Variants in HTR7 observed in about 807,000 individuals in gnomAD.
HTR7 encodes the protein 5-HT-7.
Under a neutral mutation model 34.0 loss-of-function variants are expected in HTR7, and 16 were observed. The ratio of observed to expected loss-of-function variants is 0.47; its 90% CI spans 0.32 to 0.71. The LOEUF is 0.71. HTR7 is among the 30% of genes least tolerant of loss of function. HTR7 has a pLI of 0.04. For missense variants in HTR7, 504 were observed against 625.5 expected, an observed-to-expected ratio of 0.81 and a Z score of 2.07; for synonymous variants, 265 against 260.2, an observed-to-expected ratio of 1.02 and a Z score of -0.18.
intron 1 of HTR7, among the ~76,000 whole-genome samples, chr10:90,812,374 T>A (rs1483434042): frequency 6.6e-6 from 1 of 152,206 alleles, no homozygotes; most frequent in African/African-American, 2.4e-5. Context: ...CCTGGTGCTA[T>A]CCCCAAACTG....
chr10:90,816,427 AG>A (rs1845900315), intron 1 of HTR7, among the ~76,000 whole-genome samples: 1 of 152,248 alleles, frequency 6.6e-6, no homozygotes, highest in African/African-American at 2.4e-5. Context: ...TCTATTTCAA[AG>A]GAAAACTATA....
At position 90,742,440 on chromosome 10, in the gene HTR7, C is replaced by T; in HGVS notation, c.*42G>A. 1 of 1,506,968 alleles carries T rather than the reference C, an allele frequency of 6.6e-7. No individual in the cohort carries two copies. The highest frequency in any genetic ancestry group is 9.1e-7 in the Non-Finnish European group (1 of 1,096,270). The allele number at this position is 1,506,968 out of a possible 1,614,324, so 93.3% of individuals were successfully genotyped here. The stretch of plus-strand genomic sequence containing the variant: ...AGCAAATGACTTCCTTCTGTTTCCA[C>T]CTCTATTTTGCCTTGTTTATTTCAT... On this transcript the variant is annotated 3_prime_UTR_variant, in exon 4 of 4. Coordinates refer to ENST00000336152, the MANE Select transcript of HTR7 (RefSeq NM_019859.4).
chr10:90,794,075 GAA>G (rs1158467423), intron 1 of HTR7, among the ~76,000 whole-genome samples: 2 of 152,078 alleles, frequency 1.3e-5, no homozygotes, highest in Admixed American at 6.6e-5. Context: ...ATACACCCAG[GAA>G]AAAATACTTT....
At chr10:90,849,346 A>G (rs1177798356) in intron 1 of HTR7, among the ~76,000 whole-genome samples, 1 of 152,220 alleles carries the variant, frequency 6.6e-6, no homozygotes, top group Non-Finnish European at 1.5e-5. Flanking sequence ...TGACATTTTA[A>G]TTGTTGTCAA....
rs1343234963 is a variant in HTR7, at chr10:90,740,937, A to G, written c.*1545T>C. On this transcript the variant is annotated 3_prime_UTR_variant, in exon 4 of 4. Coordinates refer to ENST00000336152, the MANE Select transcript of HTR7 (RefSeq NM_019859.4). ...TGTATCTGACCATAAATAATCATTT[A>G]AATTATGAATATAATATATACGGTC... The G allele has an allele frequency of 6.6e-6, 1 of 152,570 alleles. No individual in the cohort carries two copies. The highest frequency in any genetic ancestry group is 6.6e-5 in the Admixed American group (1 of 15,242). The allele number at this position is 152,570 out of a possible 1,614,324, so 9.5% of individuals were successfully genotyped here. A position where few individuals can be genotyped will look rare whatever the true frequency, so the allele number is the denominator to read the frequency against.
chr10:90,798,470 G>T (rs1589454432), intron 1 of HTR7, among the ~76,000 whole-genome samples: 2 of 152,166 alleles, frequency 1.3e-5, no homozygotes, highest in African/African-American at 4.8e-5. Flanking sequence ...CATGCCTGGT[G>T]CTGGGAGGCC....
At position 90,835,142 on chromosome 10, in the gene HTR7, T is replaced by C. The variant is rs7084130; in HGVS notation, c.539+21991A>G. Among the ~76,000 whole-genome samples the C allele has an allele frequency of 2.6e-3, 400 of 152,294 alleles. 1 individual carries two copies. The highest frequency in any genetic ancestry group is 9.0e-3 in the African/African-American group (372 of 41,554). ...TCATCTTATGATTTCCCATTCTGTA[T>C]AGGTATATTTGAAATCACTATAGCT... On this transcript the variant is annotated intron_variant, in intron 1 of 3. Coordinates refer to ENST00000336152, the MANE Select transcript of HTR7 (RefSeq NM_019859.4).
chr10:90,817,705 A>G (rs1234545409), intron 1 of HTR7, among the ~76,000 whole-genome samples: 1 of 152,180 alleles, frequency 6.6e-6, no homozygotes, highest in African/African-American at 2.4e-5. Flanking sequence ...ATAAACCTCA[A>G]TGATTTGAGA....
At chr10:90,767,472 T>C (rs1392859246) in intron 1 of HTR7, among the ~76,000 whole-genome samples, 1 of 152,208 alleles carries the variant, frequency 6.6e-6, no homozygotes, top group African/African-American at 2.4e-5. Flanking sequence ...GAGAAAGTTC[T>C]ATGCATCCTA....
At position 90,758,761 on chromosome 10, in the gene HTR7, C is replaced by T. The variant is rs117273210; in HGVS notation, c.540-9167G>A. Among the ~76,000 whole-genome samples the T allele has an allele frequency of 2.5e-3, 387 of 151,910 alleles. 3 individuals carry two copies. The highest frequency in any genetic ancestry group is 4.8e-3 in the Non-Finnish European group (323 of 67,992). On this transcript the variant is annotated intron_variant, in intron 1 of 3. Coordinates refer to ENST00000336152, the MANE Select transcript of HTR7 (RefSeq NM_019859.4). ...TATTGAACTTCAAGACATGGAAAGA[C>T]CACTGCAGGCATTTGGGAAAGAAAA...
At chr10:90,805,793 A>G (rs1355764494) in intron 1 of HTR7, among the ~76,000 whole-genome samples, 1 of 152,222 alleles carries the variant, frequency 6.6e-6, no homozygotes, top group African/African-American at 2.4e-5. Flanking sequence ...AATTTTATGA[A>G]AGCACTCTAA....
At chr10:90,743,839 A>C (rs1458971354) in intron 2 of HTR7, 149 bp from the exon 3 acceptor site, 3 of 741,958 alleles carry the variant, frequency 4.0e-6, no homozygotes, top group Non-Finnish European at 7.3e-6. Flanking sequence ...GATAGCAGTA[A>C]ATTAAAATTA....
At chr10:90,768,244 C>T (rs539975522) in intron 1 of HTR7, among the ~76,000 whole-genome samples, 26 of 142,336 alleles carry the variant, frequency 1.8e-4, no homozygotes, top group African/African-American at 4.4e-4. Context: ...ATTCTCTGTC[C>T]GCAAGTATTG....
chr10:90,752,968 T>C (rs1461751303), intron 1 of HTR7, among the ~76,000 whole-genome samples: 1 of 152,132 alleles, frequency 6.6e-6, no homozygotes. Context: ...AAGTACAAAA[T>C]GAAACATCAA....
intron 1 of HTR7, among the ~76,000 whole-genome samples, chr10:90,842,195 G>T (rs1846339280): frequency 6.6e-6 from 1 of 152,150 alleles, no homozygotes; most frequent in African/African-American, 2.4e-5. Context: ...TCATAAAAGG[G>T]CTGGAGTAAA....
intron 1 of HTR7, among the ~76,000 whole-genome samples, chr10:90,818,533 G>A (rs760846742): frequency 4.6e-5 from 7 of 152,032 alleles, no homozygotes; most frequent in African/African-American, 9.7e-5. Context: ...GCAACACAGT[G>A]AGACTCCATC....
At chr10:90,837,970 A>C (rs1416232141) in intron 1 of HTR7, among the ~76,000 whole-genome samples, 1 of 152,140 alleles carries the variant, frequency 6.6e-6, no homozygotes, top group East Asian at 1.9e-4. Context: ...CTCATATCGC[A>C]CTGACTAACC....
At chr10:90,840,747 C>T (rs754749434) in intron 1 of HTR7, among the ~76,000 whole-genome samples, 13 of 152,206 alleles carry the variant, frequency 8.5e-5, no homozygotes, top group Non-Finnish European at 1.6e-4. Context: ...CAACAAAAGA[C>T]TTCACCTACA....
intron 1 of HTR7, among the ~76,000 whole-genome samples, chr10:90,788,302 A>G (rs1845412335): frequency 6.6e-6 from 1 of 152,186 alleles, no homozygotes; most frequent in South Asian, 2.1e-4. Context: ...TCCAAGCCCA[A>G]AATAGATCCA....
Sources: gnomAD v4.1 joint callset for allele counts (sites outside exome capture counted in the v4.1 genomes callset) on GRCh38, gnomAD v4.1.1 for gene constraint, MANE v1.5 for transcripts, NCBI Gene and HGNC (gene_info 2026-07-23, HGNC 2026-07-21) for gene names.